The following WWTR1 variants were observed in gnomAD, a reference collection of about 807,000 sequenced individuals.
WWTR1 encodes the protein WW domain containing transcription regulator 1.
In WWTR1, 13 loss-of-function variants were observed where a neutral mutation model predicts 40.1. That is an observed-to-expected ratio of 0.32 (90% CI 0.21 to 0.52). WWTR1 has a LOEUF of 0.52. Among genes scored for constraint, WWTR1 ranks in the 20% least tolerant of loss-of-function variants. The pLI is 0.97. For missense variants in WWTR1, 436 were observed against 523.1 expected (o/e 0.83, Z 1.63); for synonymous variants, 230 against 210.1 (o/e 1.09, Z -0.82).
At chr3:149,675,756 G>T (rs1020708646) in intron 1 of WWTR1, among the ~76,000 whole-genome samples, 4 of 151,298 alleles carry the variant, frequency 2.6e-5, no homozygotes, top group Admixed American at 1.3e-4. Context: ...TTGCTCTGTT[G>T]CCCAGGCTGG....
At chr3:149,597,319 C>T (rs1560077674) in intron 2 of WWTR1, among the ~76,000 whole-genome samples, 1 of 151,064 alleles carries the variant, frequency 6.6e-6, no homozygotes, top group Non-Finnish European at 1.5e-5. Context: ...CAGAGAGAAA[C>T]TAAAATAGGC....
chr3:149,667,296 C>T (rs889427256), intron 2 of WWTR1, among the ~76,000 whole-genome samples: 1 of 148,492 alleles, frequency 6.7e-6, no homozygotes, highest in Non-Finnish European at 1.5e-5. Flanking sequence ...CCTGTAATCC[C>T]AGCACTTTGG....
At chr3:149,614,611 C>T (rs1254976536) in intron 2 of WWTR1, among the ~76,000 whole-genome samples, 2 of 152,180 alleles carry the variant, frequency 1.3e-5, no homozygotes, top group Non-Finnish European at 2.9e-5. Flanking sequence ...CTACATCTTC[C>T]TCCAAAATCA....
intron 2 of WWTR1, among the ~76,000 whole-genome samples, chr3:149,585,487 CA>C (rs1355345711): frequency 1.3e-5 from 2 of 152,020 alleles, no homozygotes; most frequent in Non-Finnish European, 2.9e-5. Context: ...GACTCAGAGA[CA>C]AAAATATTCT....
At chr3:149,602,757 C>T (rs897351338) in intron 2 of WWTR1, among the ~76,000 whole-genome samples, 1 of 152,118 alleles carries the variant, frequency 6.6e-6, no homozygotes, top group African/African-American at 2.4e-5. Flanking sequence ...CTCTGCTGTC[C>T]AGTTTCAAGA....
chr3:149,541,009 A>T (rs563203339), intron 4 of WWTR1: 3 of 456,004 alleles, frequency 6.6e-6, no homozygotes, highest in African/African-American at 4.0e-5. Flanking sequence ...AAAAAACAGC[A>T]TTTACCCTAA....
chr3:149,553,456 C>A (rs1340099641), intron 3 of WWTR1, among the ~76,000 whole-genome samples: 4 of 151,956 alleles, frequency 2.6e-5, no homozygotes, highest in African/African-American at 9.7e-5. Context: ...GTTTTGATGA[C>A]ACCATTTGTG....
At chr3:149,648,213 G>T (rs530196800) in intron 2 of WWTR1, among the ~76,000 whole-genome samples, 1 of 152,226 alleles carries the variant, frequency 6.6e-6, no homozygotes, top group Non-Finnish European at 1.5e-5. Context: ...AGTCAAAGGG[G>T]CACAGATACA....
chr3:149,571,214 CTTTTTTTTTTT>C (rs10535515), intron 3 of WWTR1, among the ~76,000 whole-genome samples: 15,683 of 101,982 alleles, frequency 0.15, 1,126 homozygotes, highest in Middle Eastern at 0.24. Flanking sequence ...TTTTTCTTTT[CTTTTTTTTTTT>C]TTTTTTTTTT....
At chr3:149,650,933 A>G (rs911719695) in intron 2 of WWTR1, among the ~76,000 whole-genome samples, 17 of 152,186 alleles carry the variant, frequency 1.1e-4, no homozygotes, top group Non-Finnish European at 2.2e-4. Context: ...CCTGACCCCT[A>G]TTGCCAAGGT....
chr3:149,564,027 T>C lies in WWTR1; in HGVS notation c.568+8837A>G, dbSNP rs182686775. 8.4e-4 allele frequency among the ~76,000 whole-genome samples: 128 copies of C among 152,334 alleles called. 1 individual carries two copies. Among genetic ancestry groups the C allele is most frequent in the African/African-American group, 3.0e-3 (125 of 41,586 alleles). ...CCTTGGCCTCCCAAAGCGCTGGGAT[T>C]ACAGGTGTGAGACACTGCACTTGGC... is the stretch of plus-strand genomic sequence containing the variant. On this transcript the variant is annotated intron_variant, in intron 3 of 6. Coordinates refer to ENST00000360632, the MANE Select transcript of WWTR1 (RefSeq NM_015472.6).
intron 2 of WWTR1, among the ~76,000 whole-genome samples, chr3:149,629,619 T>C (rs536527009): frequency 3.9e-5 from 6 of 152,362 alleles, no homozygotes; most frequent in African/African-American, 1.4e-4. Flanking sequence ...CATGAAGATA[T>C]TCTTCTCTGT....
At chr3:149,712,766 T>G (rs1031538955) in intron 5 of WWTR1, among the ~76,000 whole-genome samples, 2 of 152,346 alleles carry the variant, frequency 1.3e-5, no homozygotes, top group African/African-American at 4.8e-5. Context: ...AGTAATTTAT[T>G]GCTAAATATT....
chr3:149,541,955 C>T (rs1219086740), intron 4 of WWTR1, among the ~76,000 whole-genome samples: 1 of 152,104 alleles, frequency 6.6e-6, no homozygotes, highest in Non-Finnish European at 1.5e-5. Context: ...CAGGTGAGCC[C>T]CTTCTAAATT....
Position 149,542,442 on chromosome 3 carries a change from G to A in WWTR1, c.664C>T (p.Pro222Ser), listed in dbSNP as rs751633119. The A allele has an allele frequency of 3.1e-5, 50 of 1,613,974 alleles. No homozygotes were observed. The highest frequency in any genetic ancestry group is 8.5e-7 in the Non-Finnish European group (1 of 1,179,998). The change falls in exon 4 of 7, where the codon CCC becomes TCC. Residue 222 changes from proline (P) to serine (S), a missense_variant. Transcript: ENST00000360632. ...QNPPAGLMSM[P>S]NALTTQQQQQ... Reference sequence around the variant, plus strand: ...TGCTGCTGAGTGGTCAGCGCATTGGGCATACTCATGAGCCCTGCGGGTGGG... The same window carrying A: ...TGCTGCTGAGTGGTCAGCGCATTGGACATACTCATGAGCCCTGCGGGTGGG...
chr3:149,695,787 AG>A (rs1224486702), intron 1 of WWTR1, among the ~76,000 whole-genome samples: 1 of 138,420 alleles, frequency 7.2e-6, no homozygotes, highest in Non-Finnish European at 1.6e-5. Flanking sequence ...AGAAAAGAAA[AG>A]AAAAAAATAT....
At chr3:149,561,133 C>T (rs550325486) in intron 3 of WWTR1, among the ~76,000 whole-genome samples, 1 of 151,808 alleles carries the variant, frequency 6.6e-6, no homozygotes, top group South Asian at 2.1e-4. Flanking sequence ...TATGTGTGTG[C>T]AAGAAAATGT....
chr3:149,592,072 T>A (rs916190491), intron 2 of WWTR1, among the ~76,000 whole-genome samples: 2 of 152,202 alleles, frequency 1.3e-5, no homozygotes, highest in Non-Finnish European at 2.9e-5. Flanking sequence ...GTAACCTCAA[T>A]GATGTTCTAT....
At chr3:149,627,732 A>G (rs1159720029) in intron 2 of WWTR1, among the ~76,000 whole-genome samples, 2 of 152,186 alleles carry the variant, frequency 1.3e-5, no homozygotes, top group Non-Finnish European at 2.9e-5. Flanking sequence ...AGAGGGTCCT[A>G]TTATTTTTAA....
Sources: gnomAD v4.1 joint callset for allele counts (sites outside exome capture counted in the v4.1 genomes callset) on GRCh38, gnomAD v4.1.1 for gene constraint, MANE v1.5 for transcripts, NCBI Gene and HGNC (gene_info 2026-07-23, HGNC 2026-07-21) for gene names.